Variants in ETS1 observed in about 807,000 individuals in gnomAD.
The protein encoded by ETS1 is protein C-ets-1.
ETS1 carries 15 observed loss-of-function variants against 58.6 expected under a neutral mutation model. The ratio of observed to expected loss-of-function variants is 0.26; its 90% CI spans 0.17 to 0.39. The LOEUF (loss-of-function observed/expected upper bound fraction) is 0.39, where lower values mean the gene tolerates loss of function less well. Ranked by LOEUF, ETS1 falls within the 10% of genes least tolerant of loss-of-function variation. The pLI, the probability that ETS1 is intolerant of heterozygous loss-of-function variation, is 1.00. For synonymous variants in ETS1, 214 were observed against 218.2 expected (o/e 0.98, Z 0.17); for missense variants, 417 against 610.5 (o/e 0.68, Z 3.34).
At chr11:128,514,816 G>A (rs1040748967) in intron 3 of ETS1, among the ~76,000 whole-genome samples, 1 of 152,188 alleles carries the variant, frequency 6.6e-6, no homozygotes, top group Non-Finnish European at 1.5e-5. Context: ...GGGGCCACCT[G>A]AGCCTGGAAT....
intron 3 of ETS1, among the ~76,000 whole-genome samples, chr11:128,502,772 G>C (rs1449620819): frequency 1.3e-5 from 2 of 152,108 alleles, no homozygotes; most frequent in African/African-American, 2.4e-5. Flanking sequence ...TTACTAAAAA[G>C]AGCCACCAGT....
At position 128,460,213 on chromosome 11, in the gene ETS1, C is replaced by T. The variant is rs1170659903; in HGVS notation, c.*2148G>A. On this transcript the variant is annotated 3_prime_UTR_variant, in exon 10 of 10. Coordinates refer to ENST00000392668, the MANE Select transcript of ETS1 (RefSeq NM_001143820.2). ...AGAAAACAATGTAGTCCAAACAGTT[C>T]CACCCAACACTCCCTGAGCAGCTCC... is the stretch of plus-strand genomic sequence containing the variant. The T allele has an allele frequency of 6.5e-6, 1 of 152,738 alleles. No homozygotes were observed. The highest frequency in any genetic ancestry group is 1.9e-4 in the East Asian group (1 of 5,336). The allele number at this position is 152,738 out of a possible 1,614,324, so 9.5% of individuals were successfully genotyped here. A position where few individuals can be genotyped will look rare whatever the true frequency, so the allele number is the denominator to read the frequency against.
intron 3 of ETS1, among the ~76,000 whole-genome samples, chr11:128,508,084 G>T (rs775154890): frequency 5.3e-5 from 8 of 152,198 alleles, no homozygotes; most frequent in Non-Finnish European, 1.2e-4. Context: ...AGAGGCATTT[G>T]AAAATAATTG....
At chr11:128,517,073 G>T (rs1379275481) in intron 3 of ETS1, among the ~76,000 whole-genome samples, 1 of 152,210 alleles carries the variant, frequency 6.6e-6, no homozygotes, top group East Asian at 1.9e-4. Context: ...AAGCATTGCT[G>T]GAACTTTCAA....
intron 3 of ETS1, among the ~76,000 whole-genome samples, chr11:128,492,220 C>T (rs1044108054): frequency 6.6e-5 from 10 of 152,286 alleles, no homozygotes; most frequent in Admixed American, 3.9e-4. Context: ...AACTTTGCTT[C>T]GTTAAAAAAT....
chr11:128,490,632 A>G (rs1289859184), intron 3 of ETS1, 56 bp from the exon 4 acceptor site: 1 of 1,418,250 alleles, frequency 7.1e-7, no homozygotes, highest in Non-Finnish European at 9.9e-7. Flanking sequence ...TGAACCAATC[A>G]TAAAACATTA....
At chr11:128,497,442 C>T (rs1456613074) in intron 3 of ETS1, 1 of 223,130 alleles carries the variant, frequency 4.5e-6, no homozygotes, top group African/African-American at 2.3e-5. Flanking sequence ...AGAGAGGGCT[C>T]AGCACACTGA....
At chr11:128,507,267 G>A (rs1358114345) in intron 3 of ETS1, among the ~76,000 whole-genome samples, 6 of 152,218 alleles carry the variant, frequency 3.9e-5, no homozygotes, top group Non-Finnish European at 5.9e-5. Flanking sequence ...GACGGAGGGA[G>A]GGAGAGGGAA....
At chr11:128,536,169 C>A (rs561893381) in intron 3 of ETS1, among the ~76,000 whole-genome samples, 2 of 152,244 alleles carry the variant, frequency 1.3e-5, no homozygotes, top group Non-Finnish European at 1.5e-5. Flanking sequence ...GACAAAGAGA[C>A]CCTCATTTTT....
rs1486986607 is a variant in ETS1, at chr11:128,490,523, A to T, written c.268T>A (p.Ser90Thr). The change falls in exon 4 of 10, where the codon TCT becomes ACT. Residue 90 changes from serine (S) to threonine (T), a missense_variant. Physicochemically the swap from Ser to Thr is moderately conservative, Grantham distance 58. Transcript: ENST00000392668. The part of the protein sequence containing the change: ...LLTPSSKEMM[S>T]QALKATFSGF... ...CTGAAAGTAGCTTTTAATGCTTGAG[A>T]CATCATTTCTTTGCTGCTTGGAGTT... 1.9e-6 allele frequency: 3 copies of T among 1,612,436 alleles called. No homozygotes were observed. The highest frequency in any genetic ancestry group is 2.5e-6 in the Non-Finnish European group (3 of 1,178,662).
At chr11:128,530,089 T>C (rs1011262213) in intron 3 of ETS1, 6 of 152,208 alleles carry the variant, frequency 3.9e-5, no homozygotes, top group Non-Finnish European at 7.4e-5. Flanking sequence ...GATGTAAAGT[T>C]GACAGATTTG....
chr11:128,559,733 T>A (rs940976048), intron 2 of ETS1, among the ~76,000 whole-genome samples: 11 of 152,236 alleles, frequency 7.2e-5, no homozygotes, highest in African/African-American at 2.7e-4. Context: ...TCATAGAGTA[T>A]GAAAATGATA....
chr11:128,565,339 C>G (rs1343859611), intron 2 of ETS1, among the ~76,000 whole-genome samples: 1 of 152,202 alleles, frequency 6.6e-6, no homozygotes, highest in Non-Finnish European at 1.5e-5. Flanking sequence ...GGACTCTCAC[C>G]AGACACAGAG....
chr11:128,477,595 G>A (rs1862357275), intron 8 of ETS1, among the ~76,000 whole-genome samples: 1 of 152,118 alleles, frequency 6.6e-6, no homozygotes, highest in Non-Finnish European at 1.5e-5. Flanking sequence ...GTACAGGCAG[G>A]AGGTGTTCAC....
At chr11:128,536,146 G>T (rs1863969854) in intron 3 of ETS1, among the ~76,000 whole-genome samples, 1 of 152,104 alleles carries the variant, frequency 6.6e-6, no homozygotes, top group South Asian at 2.1e-4. Context: ...TAAAAAATAG[G>T]ATAATAAGTA....
intron 3 of ETS1, among the ~76,000 whole-genome samples, chr11:128,521,456 A>G (rs2135517957): frequency 6.6e-6 from 1 of 152,242 alleles, no homozygotes; most frequent in Admixed American, 6.5e-5. Context: ...TTATTTGAAA[A>G]TCTGCCTGAA....
chr11:128,572,804 A>G (rs1200675705), intron 2 of ETS1, among the ~76,000 whole-genome samples: 1 of 152,366 alleles, frequency 6.6e-6, no homozygotes, highest in Non-Finnish European at 1.5e-5. Flanking sequence ...ACTGTTCATC[A>G]TATTTGAGTC....
chr11:128,574,058 A>G (rs376364415), intron 1 of ETS1, among the ~76,000 whole-genome samples: 2 of 152,180 alleles, frequency 1.3e-5, no homozygotes, highest in Non-Finnish European at 2.9e-5. Context: ...TTCAAGAAAA[A>G]TCAAGTAATA....
intron 2 of ETS1, among the ~76,000 whole-genome samples, chr11:128,564,581 C>A (rs534294933): frequency 1.3e-5 from 2 of 152,282 alleles, no homozygotes; most frequent in African/African-American, 4.8e-5. Flanking sequence ...AGCCAACACT[C>A]GCTGAAACAG....
Sources: gnomAD v4.1 joint callset for allele counts (sites outside exome capture counted in the v4.1 genomes callset) on GRCh38, gnomAD v4.1.1 for gene constraint, MANE v1.5 for transcripts, NCBI Gene and HGNC (gene_info 2026-07-23, HGNC 2026-07-21) for gene names.